GPR141: variants seen among roughly 807,000 people sequenced by gnomAD.
GPR141 encodes G protein-coupled receptor 141, also known as probable G protein-coupled receptor 141.
In GPR141, 6 loss-of-function variants were observed where a neutral mutation model predicts 6.8. That is an observed-to-expected ratio of 0.88 (90% CI 0.48 to 1.74). GPR141 has a LOEUF of 1.74. GPR141 is among the 40% of genes most tolerant of loss of function. GPR141 has a pLI of 0.01. For missense variants in GPR141, 372 were observed against 372.9 expected (o/e 1.00, Z 0.02); for synonymous variants, 140 against 142.3 (o/e 0.98, Z 0.11).
chr7:37,716,977 A>G (rs1196422608), intron 2 of GPR141, among the ~76,000 whole-genome samples: 1 of 152,202 alleles, frequency 6.6e-6, no homozygotes, highest in Non-Finnish European at 1.5e-5. Context: ...GTGAGCATTT[A>G]AAAGGGCTCA....
chr7:37,727,741 T>A (rs1230699780), intron 2 of GPR141, among the ~76,000 whole-genome samples: 2 of 152,226 alleles, frequency 1.3e-5, no homozygotes, highest in Admixed American at 1.3e-4. Flanking sequence ...GTCATCTTGC[T>A]CCAATCCTTA....
At chr7:37,732,389 A>C (rs940051708) in intron 2 of GPR141, among the ~76,000 whole-genome samples, 1 of 152,058 alleles carries the variant, frequency 6.6e-6, no homozygotes, top group African/African-American at 2.4e-5. Context: ...CCCAGCAGGC[A>C]GATTGAGAGA....
chr7:37,726,122 C>G (rs550584407), intron 2 of GPR141, among the ~76,000 whole-genome samples: 2 of 152,162 alleles, frequency 1.3e-5, no homozygotes, highest in African/African-American at 2.4e-5. Flanking sequence ...TGAACATGAG[C>G]ATTTTAGGTT....
intron 2 of GPR141, among the ~76,000 whole-genome samples, chr7:37,702,676 T>C (rs1035707057): frequency 6.6e-6 from 1 of 151,388 alleles, no homozygotes; most frequent in Non-Finnish European, 1.5e-5. Flanking sequence ...GCATGGCACA[T>C]GTATACATAT....
At chr7:37,734,256 A>G (rs1044635748) in intron 2 of GPR141, among the ~76,000 whole-genome samples, 2 of 152,322 alleles carry the variant, frequency 1.3e-5, no homozygotes, top group South Asian at 4.1e-4. Context: ...TTTGTCTCAT[A>G]ACGACTATAT....
chr7:37,705,047 T>G (rs185344362), intron 2 of GPR141, among the ~76,000 whole-genome samples: 19 of 152,290 alleles, frequency 1.2e-4, no homozygotes, highest in African/African-American at 4.3e-4. Flanking sequence ...ATAATACTTA[T>G]TAAATGAATA....
chr7:37,726,517 A>C (rs1433887843), intron 2 of GPR141, among the ~76,000 whole-genome samples: 4 of 152,176 alleles, frequency 2.6e-5, no homozygotes, highest in Non-Finnish European at 5.9e-5. Context: ...ATAATTTTAC[A>C]CAAAACATTT....
intron 2 of GPR141, among the ~76,000 whole-genome samples, chr7:37,737,984 T>G (rs1478766234): frequency 6.6e-6 from 1 of 152,222 alleles, no homozygotes; most frequent in Non-Finnish European, 1.5e-5. Flanking sequence ...CCAAATTTCT[T>G]CATGGCCTCC....
Position 37,699,049 on chromosome 7 carries a change from A to G in GPR141, c.-15+13466A>G, listed in dbSNP as rs186615430. Reference sequence around the variant, plus strand: ...CTTATTGAGCTGTGCTTTGGGCACCATTAGAGCATGTGAATGAATTCCTGC... The same window carrying G: ...CTTATTGAGCTGTGCTTTGGGCACCGTTAGAGCATGTGAATGAATTCCTGC... On this transcript the variant is annotated intron_variant, in intron 2 of 2. Coordinates refer to ENST00000334425, the MANE Select transcript of GPR141 (RefSeq NM_001381946.1). Among the ~76,000 whole-genome samples the G allele has an allele frequency of 4.6e-5, 7 of 152,350 alleles. No individual in the cohort carries two copies. In the East Asian group the frequency reaches 1.4e-3, roughly 29 times the overall value.
intron 2 of GPR141, among the ~76,000 whole-genome samples, chr7:37,720,168 G>A (rs1811248572): frequency 6.6e-6 from 1 of 152,142 alleles, no homozygotes; most frequent in South Asian, 2.1e-4. Flanking sequence ...GGTGAACCAG[G>A]AGTTGGGCAG....
chr7:37,711,820 C>T lies in GPR141; in HGVS notation c.-15+26237C>T, dbSNP rs1810810508. Among the ~76,000 whole-genome samples the T allele has an allele frequency of 3.9e-5, 6 of 152,278 alleles. No homozygotes were observed. The South Asian group carries it at 1.2e-3, about 32-fold the overall frequency. On this transcript the variant is annotated intron_variant, in intron 2 of 2. Coordinates refer to ENST00000334425, the MANE Select transcript of GPR141 (RefSeq NM_001381946.1). ...CAGTGATCTAGATACCTAGGTTATG[C>T]CAGAGGTGCAAGTTTTAAACTCCAG...
intron 2 of GPR141, among the ~76,000 whole-genome samples, chr7:37,725,465 C>T (rs1441190932): frequency 6.6e-6 from 1 of 152,154 alleles, no homozygotes. Context: ...GTCCTCTAAC[C>T]AGGGAGTTTC....
chr7:37,704,581 A>G (rs1488862684), intron 2 of GPR141, among the ~76,000 whole-genome samples: 1 of 152,066 alleles, frequency 6.6e-6, no homozygotes, highest in Non-Finnish European at 1.5e-5. Context: ...CCCATGACAC[A>G]TGGGGATTGT....
At chr7:37,726,850 G>A (rs1386956693) in intron 2 of GPR141, among the ~76,000 whole-genome samples, 1 of 152,144 alleles carries the variant, frequency 6.6e-6, no homozygotes, top group African/African-American at 2.4e-5. Context: ...AAAAAATCTG[G>A]CCCATGGACT....
intron 2 of GPR141, among the ~76,000 whole-genome samples, chr7:37,705,105 C>T (rs1418294999): frequency 6.6e-6 from 1 of 152,070 alleles, no homozygotes; most frequent in Non-Finnish European, 1.5e-5. Flanking sequence ...AGATATTTCT[C>T]TAAAAACCCA....
At chr7:37,717,747 A>G (rs929091174) in intron 2 of GPR141, among the ~76,000 whole-genome samples, 3 of 152,188 alleles carry the variant, frequency 2.0e-5, no homozygotes, top group Non-Finnish European at 2.9e-5. Context: ...TACAACATGC[A>G]TCTGTCTCCT....
chr7:37,709,437 T>C (rs760994606), intron 2 of GPR141, among the ~76,000 whole-genome samples: 12 of 152,346 alleles, frequency 7.9e-5, no homozygotes, highest in Admixed American at 2.6e-4. Flanking sequence ...ATATAGTATA[T>C]GTATTTTGTA....
At chr7:37,698,004 G>A (rs903328148) in intron 2 of GPR141, among the ~76,000 whole-genome samples, 10 of 152,204 alleles carry the variant, frequency 6.6e-5, no homozygotes, top group Non-Finnish European at 1.3e-4. Flanking sequence ...TGGCCCCCGT[G>A]CCTGGCAGCA....
At chr7:37,715,020 A>G (rs1810979748) in intron 2 of GPR141, among the ~76,000 whole-genome samples, 1 of 152,206 alleles carries the variant, frequency 6.6e-6, no homozygotes, top group Admixed American at 6.5e-5. Flanking sequence ...TTGGCTATTA[A>G]TATATGTTAC....
Sources: gnomAD v4.1 joint callset for allele counts (sites outside exome capture counted in the v4.1 genomes callset) on GRCh38, gnomAD v4.1.1 for gene constraint, MANE v1.5 for transcripts, NCBI Gene and HGNC (gene_info 2026-07-23, HGNC 2026-07-21) for gene names.